COL4A4: variants seen among roughly 807,000 people sequenced by gnomAD.
COL4A4 encodes the protein collagen alpha-4(IV) chain.
A neutral mutation model predicts 192.9 loss-of-function variants in COL4A4; 105 were observed. The observed-to-expected ratio is 0.54, with a 90% CI of 0.46 to 0.64. The LOEUF (loss-of-function observed/expected upper bound fraction) is 0.64, where lower values mean the gene tolerates loss of function less well. Ranked by LOEUF, COL4A4 falls within the 30% of genes least tolerant of loss-of-function variation. The probability of loss-of-function intolerance (pLI) is 0.00; values close to 1 mark genes in which losing one functional copy is unlikely to be tolerated. For synonymous variants in COL4A4, 762 were observed against 769.9 expected (o/e 0.99, Z 0.17); for missense variants, 1,967 against 2,169.3 (o/e 0.91, Z 1.85).
chr2:227,041,854 GAAAGAAAGAAAGAAAGAA>G (rs1971352208), intron 37 of COL4A4, among the ~76,000 whole-genome samples: 3 of 99,262 alleles, frequency 3.0e-5, no homozygotes, highest in Non-Finnish European at 6.2e-5. Context: ...GAAAGAGAAA[GAAAGAAAGAAAGAAAGAA>G]AGAAAGAAAG....
intron 18 of COL4A4, 146 bp downstream of exon 18, chr2:227,099,474 T>C (rs972866651): frequency 1.4e-6 from 1 of 729,068 alleles, no homozygotes; most frequent in Admixed American, 2.0e-5. Context: ...CTCATGCACA[T>C]GTATAATTAT....
At chr2:227,158,774 T>TTTTTTTTTTTTTTTTTTTTTGAGAC (rs2064561107) in intron 1 of COL4A4, among the ~76,000 whole-genome samples, 3 of 152,060 alleles carry the variant, frequency 2.0e-5, no homozygotes, top group African/African-American at 7.2e-5. Context: ...GGGATACTTC[T>TTTTTTTTTTTTTTTTTTTTTGAGAC]GTATAAACAT....
At chr2:226,969,487 A>C in the COL4A4 span, among the ~76,000 whole-genome samples, 1 of 148,612 alleles carries the variant, frequency 6.7e-6, no homozygotes, top group Non-Finnish European at 1.5e-5. Context: ...AATGTGTTGA[A>C]TACTTTGCCT....
At chr2:227,065,404 G>A (rs1447991998) in intron 25 of COL4A4, among the ~76,000 whole-genome samples, 3 of 152,260 alleles carry the variant, frequency 2.0e-5, no homozygotes, top group Non-Finnish European at 1.5e-5. Flanking sequence ...GCCTGCCTCT[G>A]TAGGCTCCAC....
intron 4 of COL4A4, among the ~76,000 whole-genome samples, 161 bp downstream of exon 4, chr2:227,140,000 T>C (rs1281518476): frequency 6.6e-6 from 1 of 152,180 alleles, no homozygotes; most frequent in African/African-American, 2.4e-5. Flanking sequence ...CTGTCTAATA[T>C]AGTTGAGATT....
chr2:227,057,551 T>G lies in COL4A4; in HGVS notation c.2433A>C (p.Arg811Ser). Reference sequence around the variant, plus strand: ...CACCTGGAAACCCAGCATGTCCCTCTCTGCCTTTGGGACCTTTGAGACCTA... The same window carrying G: ...CACCTGGAAACCCAGCATGTCCCTCGCTGCCTTTGGGACCTTTGAGACCTA... ...GFLGLKGPKG[R>S]EGHAGFPGVP... The change falls in exon 29 of 48, where the codon AGA becomes AGC. Residue 811 changes from arginine (R) to serine (S), a missense_variant. Physicochemically the swap from Arg to Ser is moderately radical, Grantham distance 110. Coordinates refer to ENST00000396625, the MANE Select transcript of COL4A4 (RefSeq NM_000092.5). 1 of 1,614,116 alleles carries G rather than the reference T, an allele frequency of 6.2e-7. No homozygotes were observed. Among genetic ancestry groups the G allele is most frequent in the Non-Finnish European group, 8.5e-7 (1 of 1,180,012 alleles).
intron 23 of COL4A4, among the ~76,000 whole-genome samples, chr2:227,081,661 TC>T (rs2059332846): frequency 6.6e-6 from 1 of 152,212 alleles, no homozygotes; most frequent in Non-Finnish European, 1.5e-5. Context: ...TACACATATA[TC>T]CTATTAGTTC....
chr2:227,079,256 T>C (rs2059196928), intron 24 of COL4A4, among the ~76,000 whole-genome samples: 2 of 152,224 alleles, frequency 1.3e-5, no homozygotes, highest in Non-Finnish European at 2.9e-5. Context: ...ATCTGGATTG[T>C]TTCAACGAAT....
chr2:227,045,768 CAA>C lies in COL4A4; in HGVS notation c.3289+1705_3289+1706del, dbSNP rs544655010. Among the ~76,000 whole-genome samples, 504 of 56,958 alleles carry C rather than the reference CAA, an allele frequency of 8.8e-3. 18 individuals are homozygous for C. Among genetic ancestry groups the C allele is most frequent in the African/African-American group, 0.04 (473 of 11,740 alleles). The allele number at this position is 56,958 out of a possible 152,430, so 37.4% of individuals were successfully genotyped here. ...TGGGTGAAACAGCAAGACTCCATCT[CAA>C]AAAAAAAAAATACATATATATATAT... On this transcript the variant is annotated intron_variant, in intron 35 of 47. Transcript: ENST00000396625.
At chr2:227,158,191 C>A (rs2064505770) in intron 1 of COL4A4, among the ~76,000 whole-genome samples, 1 of 152,034 alleles carries the variant, frequency 6.6e-6, no homozygotes, top group African/African-American at 2.4e-5. Flanking sequence ...ACATGATGAT[C>A]AATTGATTTT....
upstream of COL4A4, chr2:227,164,456 T>G: frequency 3.7e-6 from 2 of 534,182 alleles, no homozygotes; most frequent in Non-Finnish European, 6.6e-6. The surrounding 1 kb of genome is among the most constrained non-coding windows in gnomAD (Gnocchi z 4.8). Context: ...CTGGGCACGA[T>G]GCCCGGGTAG....
intron 4 of COL4A4, among the ~76,000 whole-genome samples, chr2:227,131,165 T>TC (rs1330451980): frequency 6.6e-6 from 1 of 150,904 alleles, no homozygotes; most frequent in Non-Finnish European, 1.5e-5. Context: ...CTTTCTTTCT[T>TC]TTTTTTTTAA....
intron 45 of COL4A4, among the ~76,000 whole-genome samples, chr2:227,011,200 C>T (rs1036977562): frequency 6.6e-6 from 1 of 152,278 alleles, no homozygotes; most frequent in South Asian, 2.1e-4. Context: ...TTTCTAATTG[C>T]CAAGAGCAAA....
At chr2:227,163,956 G>C (rs1157364911) in intron 1 of COL4A4, 51 bp downstream of exon 1, 2 of 152,362 alleles carry the variant, frequency 1.3e-5, no homozygotes, top group African/African-American at 4.8e-5. Context: ...CCCCTCCCAG[G>C]CAGGTGCCGG....
chr2:227,077,483 G>A (rs943603698), intron 25 of COL4A4, among the ~76,000 whole-genome samples: 19 of 151,990 alleles, frequency 1.3e-4, no homozygotes, highest in African/African-American at 4.4e-4. Flanking sequence ...ACATAATATC[G>A]AGACCTGTCA....
At chr2:227,096,025 G>C (rs1422857686) in intron 19 of COL4A4, among the ~76,000 whole-genome samples, 5 of 152,146 alleles carry the variant, frequency 3.3e-5, no homozygotes, top group Non-Finnish European at 5.9e-5. Flanking sequence ...TTTGACAGAT[G>C]GCCATCACGG....
chr2:227,053,532 TTTTTC>T (rs1974590133), intron 31 of COL4A4, among the ~76,000 whole-genome samples: 1 of 139,914 alleles, frequency 7.1e-6, no homozygotes, highest in East Asian at 2.1e-4. Context: ...AGAAAACATT[TTTTTC>T]TTTTTCTTTT....
chr2:226,992,155 A>G, the COL4A4 span, among the ~76,000 whole-genome samples: 6 of 152,300 alleles, frequency 3.9e-5, no homozygotes, highest in South Asian at 1.2e-3. Flanking sequence ...AAACAATTTG[A>G]CACATGAATG....
chr2:227,062,603 A>C lies in COL4A4; in HGVS notation c.1988-5T>G. 6.2e-7 allele frequency: 1 copy of C among 1,610,914 alleles called. No homozygotes were observed. The highest frequency in any genetic ancestry group is 8.5e-7 in the Non-Finnish European group (1 of 1,177,112). ...CGTTGCAAGAAATTGTGTCACCTGCAATGAGAAAAGAAAAGCGGCATTCAC... is the reference window on the plus strand; with the variant it reads ...CGTTGCAAGAAATTGTGTCACCTGCCATGAGAAAAGAAAAGCGGCATTCAC... On this transcript the variant is annotated splice_polypyrimidine_tract_variant and splice_region_variant and intron_variant, in intron 25 of 47. Transcript: ENST00000396625.
Sources: gnomAD v4.1 joint callset for allele counts (sites outside exome capture counted in the v4.1 genomes callset) on GRCh38, gnomAD v4.1.1 for gene constraint, Gnocchi (gnomAD v3.1) non-coding constraint, MANE v1.5 for transcripts, NCBI Gene and HGNC (gene_info 2026-07-23, HGNC 2026-07-21) for gene names.